The following NSMF variants were observed in gnomAD, a reference collection of about 807,000 sequenced individuals.
The protein encoded by NSMF is nasal embryonic LHRH factor.
Under a neutral mutation model 71.0 loss-of-function variants are expected in NSMF, and 31 were observed. The ratio of observed to expected loss-of-function variants is 0.44; its 90% CI spans 0.33 to 0.59. The LOEUF (loss-of-function observed/expected upper bound fraction) is 0.59, where lower values mean the gene tolerates loss of function less well. Ranked by LOEUF, NSMF falls within the 20% of genes least tolerant of loss-of-function variation. The pLI, the probability that NSMF is intolerant of heterozygous loss-of-function variation, is 0.04. For synonymous variants in NSMF, 345 were observed against 287.1 expected, an observed-to-expected ratio of 1.20 and a Z score of -2.04; for missense variants, 673 against 740.5, an observed-to-expected ratio of 0.91 and a Z score of 1.06.
chr9:137,454,005 G>A (rs930477433), intron 7 of NSMF, among the ~76,000 whole-genome samples, 185 bp from the exon 8 acceptor site: 1 of 151,854 alleles, frequency 6.6e-6, no homozygotes, highest in Non-Finnish European at 1.5e-5. Context: ...TGAGAACACT[G>A]GGGCAGGGCC....
In NSMF at chr9:137,449,268, A is replaced by G. The variant is rs1268394177; in HGVS notation, c.*126T>C. The G allele has an allele frequency of 6.4e-6, 5 of 779,908 alleles. No individual in the cohort carries two copies. Among genetic ancestry groups the G allele is most frequent in the Middle Eastern group, 3.4e-4 (1 of 2,960 alleles). The allele number at this position is 779,908 out of a possible 1,614,324, so 48.3% of individuals were successfully genotyped here. A position where few individuals can be genotyped will look rare whatever the true frequency, so the allele number is the denominator to read the frequency against. On this transcript the variant is annotated 3_prime_UTR_variant, in exon 16 of 16. Transcript: ENST00000371475. ...ACAGGGGGAACCTGAGCAACGTCTG[A>G]GGTGCCCTGAAGTGGCTCCAGGCGA...
At chr9:137,454,050 G>A (rs904089090) in intron 7 of NSMF, among the ~76,000 whole-genome samples, 146 of 149,166 alleles carry the variant, frequency 9.8e-4, no homozygotes, top group African/African-American at 3.3e-3. Context: ...AGCCTGGGCC[G>A]GGCTGGGGGC....
rs1457269956 is a variant in NSMF, at chr9:137,453,723, G to A, written c.922+8C>T. On this transcript the variant is annotated splice_region_variant and intron_variant, in intron 8 of 15. Coordinates refer to ENST00000371475, the MANE Select transcript of NSMF (RefSeq NM_001130969.3). The surrounding 1 kb of genome is among the most constrained non-coding windows in gnomAD (Gnocchi z 4.5). The stretch of plus-strand genomic sequence containing the variant: ...GGGAAGGTGGGCGGGCCTGTGCGGG[G>A]CACCTACTGTCTCGGGAGTCGTGGG... 1.9e-6 allele frequency: 3 copies of A among 1,596,500 alleles called. No individual in the cohort carries two copies. In the East Asian group the frequency reaches 6.7e-5, roughly 36 times the overall value.
intron 1 of NSMF, among the ~76,000 whole-genome samples, 166 bp from the exon 2 acceptor site, chr9:137,458,715 C>G (rs1452851166): frequency 6.6e-6 from 1 of 152,104 alleles, no homozygotes; most frequent in Non-Finnish European, 1.5e-5. Flanking sequence ...CTGGTGCGCC[C>G]TGGCCAGGCC....
Position 137,457,465 on chromosome 9 carries a change from A to G in NSMF, c.570T>C (p.Pro190=). ...GCTTCTTGCGGCGACCGGAGGTCTC[A>G]GGCAGAGGTGGCTGGTCCAGCCCAA... ...RAFGLDQPPL[P]ETSGRRKKLE... Residue 190 remains proline (P), a synonymous_variant, in exon 3 of 16, where the codon CCT becomes CCC. Coordinates refer to ENST00000371475, the MANE Select transcript of NSMF (RefSeq NM_001130969.3). 1 of 1,612,806 alleles carries G rather than the reference A, an allele frequency of 6.2e-7. No individual in the cohort carries two copies. Among genetic ancestry groups the G allele is most frequent in the Non-Finnish European group, 8.5e-7 (1 of 1,179,952 alleles).
Position 137,450,025 on chromosome 9 carries a change from G to C in NSMF, c.1317C>G (p.His439Gln), listed in dbSNP as rs1157228456. 1 of 1,612,674 alleles carries C rather than the reference G, an allele frequency of 6.2e-7. No homozygotes were observed. The highest frequency in any genetic ancestry group is 8.5e-7 in the Non-Finnish European group (1 of 1,179,796). Residue 439 changes from histidine (H) to glutamine (Q), a missense_variant and splice_region_variant, in exon 14 of 16, where the codon CAC becomes CAG. Transcript: ENST00000371475. ...TCAGGCGGCTCAGCCGCTTCCAGAA[G>C]CTGGTGGAGAGGGGTGGGTCACCCA... Reference protein sequence around the residue: ...AKVEKEEDMIHFWKRLSRLMS... With the variant: ...AKVEKEEDMIQFWKRLSRLMS...
Position 137,457,494 on chromosome 9 carries a change from C to T in NSMF, c.541G>A (p.Ala181Thr). The change falls in exon 3 of 16, where the codon GCC (alanine) becomes ACC (threonine). Residue 181 changes from alanine (A) to threonine (T), a missense_variant. Ala to Thr is a moderately conservative substitution (Grantham distance 58). Transcript: ENST00000371475. ...AQLAPGPTPR[A>T]FGLDQPPLPE... The stretch of plus-strand genomic sequence containing the variant: ...AGAGGTGGCTGGTCCAGCCCAAAGG[C>T]CCGAGGGGTGGGGCCAGGAGCCAGC... 12 of 1,612,376 alleles carry T rather than the reference C, an allele frequency of 7.4e-6. No homozygotes were observed. Among genetic ancestry groups the T allele is most frequent in the Non-Finnish European group, 1.0e-5 (12 of 1,179,798 alleles).
intron 1 of NSMF, 86 bp downstream of exon 1, chr9:137,458,946 C>T: frequency 9.2e-7 from 1 of 1,089,378 alleles, no homozygotes; most frequent in South Asian, 2.4e-5. Context: ...GCCCGGGAGC[C>T]CGGGGAGCAC....
Position 137,449,677 on chromosome 9 carries a change from G to A in NSMF, c.1420-3C>T, listed in dbSNP as rs371428897. 9.7e-5 allele frequency: 156 copies of A among 1,611,576 alleles called. No homozygotes were observed. The highest frequency in any genetic ancestry group is 1.2e-4 in the Non-Finnish European group (141 of 1,179,168). ...AGGGTCCTGAGGTTCTGGAACAGCT[G>A]GAGGAAGCGGGGTGCCATGAGTCCG... On this transcript the variant is annotated splice_polypyrimidine_tract_variant and splice_region_variant and intron_variant, in intron 14 of 15. Transcript: ENST00000371475.
Position 137,447,628 on chromosome 9 carries a change from G to A in NSMF, c.*1766C>T, listed in dbSNP as rs1054139761. On this transcript the variant is annotated 3_prime_UTR_variant, in exon 16 of 16. Coordinates refer to ENST00000371475, the MANE Select transcript of NSMF (RefSeq NM_001130969.3). ...TTGGCACCAAAACCTGCCCCCTCCC[G>A]GGACCCCATCTAGAATGCCCTGGAA... is the stretch of plus-strand genomic sequence containing the variant. The A allele has an allele frequency of 6.7e-6, 1 of 149,580 alleles. No individual in the cohort carries two copies. Among genetic ancestry groups the A allele is most frequent in the African/African-American group, 2.5e-5 (1 of 40,438 alleles). 9.3% of individuals were successfully genotyped at this position (149,580 alleles called of 1,614,324 possible). A position where few individuals can be genotyped will look rare whatever the true frequency, so the allele number is the denominator to read the frequency against.
At chr9:137,450,629 C>T (rs1165284298) in intron 12 of NSMF, among the ~76,000 whole-genome samples, 8 of 19,194 alleles carry the variant, frequency 4.2e-4, no homozygotes, top group African/African-American at 2.5e-3. Flanking sequence ...CCCCACCACA[C>T]GCCTCTTCCC....
rs745933455 is a variant in NSMF, at chr9:137,449,487, C to T, written c.1500G>A (p.Lys500=). Residue 500 remains lysine, a synonymous_variant, in exon 16 of 16, where the codon AAG becomes AAA. Coordinates refer to ENST00000371475, the MANE Select transcript of NSMF (RefSeq NM_001130969.3). ...ESPLELSAQG[K]QMIETYFDFR... The stretch of plus-strand genomic sequence containing the variant: ...AGTCAAAGTACGTCTCGATCATCTG[C>T]TTCCCTGGGCGGAGCGGGGGCAGGA... 3.7e-6 allele frequency: 6 copies of T among 1,612,892 alleles called. No individual in the cohort carries two copies. The South Asian group carries it at 5.5e-5, about 15-fold the overall frequency.
At chr9:137,452,637 G>C in intron 10 of NSMF, 51 bp from the exon 11 acceptor site, 1 of 1,611,272 alleles carries the variant, frequency 6.2e-7, no homozygotes, top group Middle Eastern at 1.7e-4. Flanking sequence ...GTCAGAGCCA[G>C]CAGCGCCACA....
intron 4 of NSMF, 86 bp downstream of exon 4, chr9:137,456,325 C>A: frequency 8.9e-7 from 1 of 1,125,308 alleles, no homozygotes; most frequent in Non-Finnish European, 1.4e-6. Context: ...CCCTGGTAGG[C>A]CCAGAGACTG....
intron 12 of NSMF, 67 bp from the exon 13 acceptor site, chr9:137,450,322 G>C (rs1242529974): frequency 7.6e-7 from 1 of 1,319,018 alleles, no homozygotes; most frequent in Non-Finnish European, 1.1e-6. Flanking sequence ...ATGCACCCAC[G>C]CACATGCGTG....
chr9:137,452,541 T>G lies in NSMF; in HGVS notation c.1165+12A>C. 6.2e-7 allele frequency: 1 copy of G among 1,612,552 alleles called. No individual in the cohort carries two copies. The highest frequency in any genetic ancestry group is 8.5e-7 in the Non-Finnish European group (1 of 1,179,926). ...CTGGAACCAGCAGAGAGAAGGCCAA[T>G]GAGGCACATACCAAGGATGTCCTCG... is the stretch of plus-strand genomic sequence containing the variant. On this transcript the variant is annotated intron_variant, in intron 11 of 15. Coordinates refer to ENST00000371475, the MANE Select transcript of NSMF (RefSeq NM_001130969.3).
At chr9:137,449,789 C>G (rs998881434) in intron 14 of NSMF, 115 bp from the exon 15 acceptor site, 48 of 1,307,434 alleles carry the variant, frequency 3.7e-5, no homozygotes, top group Non-Finnish European at 5.0e-5. Context: ...CCTGGCTGGG[C>G]TCAGGCATAA....
chr9:137,456,336 G>A (rs762890559), intron 4 of NSMF, 75 bp downstream of exon 4: 15 of 1,238,706 alleles, frequency 1.2e-5, no homozygotes, highest in Admixed American at 1.2e-4. Context: ...CCAGAGACTG[G>A]GAAAAAGTGC....
At chr9:137,450,901 C>G (rs73567203) in intron 12 of NSMF, among the ~76,000 whole-genome samples, 1 of 27,250 alleles carries the variant, frequency 3.7e-5, no homozygotes, top group Non-Finnish European at 8.0e-5. Flanking sequence ...ATCTCCCCCC[C>G]ACGCCTCTTC....
Sources: allele counts gnomAD v4.1 joint callset (sites outside exome capture counted in the v4.1 genomes callset), GRCh38; gene constraint gnomAD v4.1.1; non-coding constraint Gnocchi (gnomAD v3.1); transcripts MANE v1.5; gene names NCBI Gene and HGNC (gene_info 2026-07-23, HGNC 2026-07-21).